The following MED27 variants were observed in gnomAD, a reference collection of about 807,000 sequenced individuals.
MED27 encodes the protein mediator of RNA polymerase II transcription subunit 27.
Under a neutral mutation model 38.2 loss-of-function variants are expected in MED27, and 30 were observed. The ratio of observed to expected loss-of-function variants is 0.79; its 90% CI spans 0.59 to 1.07. The LOEUF is 1.07. MED27 is among the 50% of genes least tolerant of loss of function. The pLI is 0.00. For synonymous variants in MED27, 122 were observed against 153.5 expected, an observed-to-expected ratio of 0.79 and a Z score of 1.52; for missense variants, 289 against 397.5, an observed-to-expected ratio of 0.73 and a Z score of 2.32.
intron 3 of MED27, among the ~76,000 whole-genome samples, chr9:131,945,150 A>G (rs921941496): frequency 6.8e-6 from 1 of 147,128 alleles, no homozygotes; most frequent in African/African-American, 2.5e-5. Context: ...TAAAAAATTT[A>G]TATATATATA....
intron 6 of MED27, among the ~76,000 whole-genome samples, chr9:131,879,213 C>T (rs1021813510): frequency 1.3e-5 from 2 of 152,190 alleles, no homozygotes; most frequent in African/African-American, 4.8e-5. Context: ...TACCTCCTGA[C>T]ATTGTTTGCC....
At chr9:132,012,470 T>C (rs565349242) in intron 3 of MED27, among the ~76,000 whole-genome samples, 2 of 152,304 alleles carry the variant, frequency 1.3e-5, no homozygotes, top group South Asian at 4.1e-4. Context: ...ACATTCCTCC[T>C]ATCCTGGAAG....
intron 3 of MED27, among the ~76,000 whole-genome samples, chr9:131,962,916 T>C (rs1831247481): frequency 6.6e-6 from 1 of 152,238 alleles, no homozygotes. Flanking sequence ...TTTATCTGAA[T>C]TTTAAGTAAC....
intron 2 of MED27, among the ~76,000 whole-genome samples, chr9:132,029,691 G>A (rs1260845991): frequency 1.3e-5 from 2 of 152,188 alleles, no homozygotes; most frequent in Non-Finnish European, 2.9e-5. Flanking sequence ...AGGAGGTGGG[G>A]AGGAAGACAA....
At chr9:132,071,495 C>T (rs538082550) in intron 2 of MED27, among the ~76,000 whole-genome samples, 6 of 150,792 alleles carry the variant, frequency 4.0e-5, no homozygotes, top group South Asian at 4.2e-4. Context: ...CATACACGTA[C>T]GAGTAACACT....
chr9:132,070,099 G>A (rs1002306445), intron 2 of MED27, among the ~76,000 whole-genome samples: 3 of 152,180 alleles, frequency 2.0e-5, no homozygotes, highest in Admixed American at 1.3e-4. Flanking sequence ...GCAAAGACAC[G>A]TTCTGCCACT....
intron 3 of MED27, among the ~76,000 whole-genome samples, chr9:131,944,899 C>G (rs965580923): frequency 6.6e-6 from 1 of 150,964 alleles, no homozygotes; most frequent in Non-Finnish European, 1.5e-5. Context: ...CATGTCTGTA[C>G]AACATTTTAT....
intron 3 of MED27, among the ~76,000 whole-genome samples, chr9:132,001,441 TACTTCTGATTTAC>T (rs1312967960): frequency 1.3e-5 from 2 of 152,184 alleles, no homozygotes; most frequent in Non-Finnish European, 2.9e-5. Context: ...TTAAACTGTA[TACTTCTGATTTAC>T]ATAAATGACA....
At chr9:131,951,373 G>A (rs1830993255) in intron 3 of MED27, among the ~76,000 whole-genome samples, 1 of 152,160 alleles carries the variant, frequency 6.6e-6, no homozygotes, top group Admixed American at 6.5e-5. Context: ...CAGGGGGAAG[G>A]CACAGGCCAT....
chr9:132,060,491 C>A (rs1383699288), intron 2 of MED27, among the ~76,000 whole-genome samples: 4 of 152,214 alleles, frequency 2.6e-5, no homozygotes. Context: ...ACTCCCCCTC[C>A]CACCCGACTG....
At position 131,860,884 on chromosome 9, in the gene MED27, G is replaced by A. The variant is rs1244947427; in HGVS notation, c.802-212C>T. Among the ~76,000 whole-genome samples the A allele has an allele frequency of 6.6e-6, 1 of 152,094 alleles. No individual in the cohort carries two copies. Among genetic ancestry groups the A allele is most frequent in the Admixed American group, 6.5e-5 (1 of 15,270 alleles). ...TGCTCGCGTGCCCCTCCTAACCGAA[G>A]GAGTTTTGAAAACAGAAACCCCTAC... is the stretch of plus-strand genomic sequence containing the variant. On this transcript the variant is annotated intron_variant, in intron 7 of 7. Coordinates refer to ENST00000292035, the MANE Select transcript of MED27 (RefSeq NM_004269.4). This position sits in a 1 kb window ranked among gnomAD's most constrained non-coding sequence, Gnocchi z 5.8.
intron 4 of MED27, among the ~76,000 whole-genome samples, chr9:131,912,743 C>A (rs1336280811): frequency 6.6e-6 from 1 of 152,194 alleles, no homozygotes; most frequent in African/African-American, 2.4e-5. Flanking sequence ...TCTCTGAAAA[C>A]CCAGTCTTGT....
At chr9:132,038,386 G>T (rs1589281496) in intron 2 of MED27, among the ~76,000 whole-genome samples, 1 of 151,492 alleles carries the variant, frequency 6.6e-6, no homozygotes, top group African/African-American at 2.4e-5. Context: ...TAGAGACGGG[G>T]TTTCACCGTT....
chr9:132,071,479 T>C (rs1010108310), intron 2 of MED27, among the ~76,000 whole-genome samples: 1 of 148,504 alleles, frequency 6.7e-6, no homozygotes, highest in Non-Finnish European at 1.5e-5. Context: ...ACCCCACAAA[T>C]AAGTCCATAC....
chr9:132,011,602 G>C (rs1832488729), intron 3 of MED27, among the ~76,000 whole-genome samples: 1 of 152,114 alleles, frequency 6.6e-6, no homozygotes, highest in African/African-American at 2.4e-5. Context: ...AGGAGTTTGA[G>C]GCTGCAGTAA....
rs1221342393 is a variant in MED27, at chr9:131,860,592, C to CG, written c.881dup (p.Thr295AspfsTer13). 2 of 1,601,692 alleles carry CG rather than the reference C, an allele frequency of 1.2e-6. No individual in the cohort carries two copies. Among genetic ancestry groups the CG allele is most frequent in the Non-Finnish European group, 1.7e-6 (2 of 1,174,436 alleles). ...CGAGGGTTCGGAAATCCCTCCATGTCGGGGGAAGGCCGTCCTGCAGAAACT... is the reference window on the plus strand; with the variant it reads ...CGAGGGTTCGGAAATCCCTCCATGTCGGGGGGAAGGCCGTCCTGCAGAAACT... On this transcript the variant is annotated frameshift_variant, in exon 8 of 8. Transcript: ENST00000292035. LOFTEE classifies it high-confidence loss of function. The surrounding 1 kb of genome is among the most constrained non-coding windows in gnomAD (Gnocchi z 5.8).
rs568786005 is a variant in MED27 at position 131,889,194 on chromosome 9, G to T, written c.681+4691C>A. On this transcript the variant is annotated intron_variant, in intron 5 of 7. Coordinates refer to ENST00000292035, the MANE Select transcript of MED27 (RefSeq NM_004269.4). The surrounding 1 kb of genome is among the most constrained non-coding windows in gnomAD (Gnocchi z 4.2). ...ACACACACAGCCAACTTTGAAGTGG[G>T]AAGAATGCAGGGATCAGAAATTACC... Among the ~76,000 whole-genome samples, 67 of 152,336 alleles carry T rather than the reference G, an allele frequency of 4.4e-4. No homozygotes were observed. Among genetic ancestry groups the T allele is most frequent in the African/African-American group, 1.5e-3 (64 of 41,572 alleles).
intron 2 of MED27, chr9:132,073,688 G>A (rs1589305465): frequency 1.2e-5 from 18 of 1,516,318 alleles, no homozygotes; most frequent in African/African-American, 5.6e-5. Context: ...GCAGGAGGGA[G>A]GAAATGTCTT....
intron 4 of MED27, among the ~76,000 whole-genome samples, chr9:131,911,076 T>A (rs145013931): frequency 3.7e-4 from 57 of 152,336 alleles, no homozygotes; most frequent in African/African-American, 1.2e-3. Flanking sequence ...ACAAGAGATT[T>A]TTTTTTCATG....
Sources: gnomAD v4.1 joint callset for allele counts (sites outside exome capture counted in the v4.1 genomes callset) on GRCh38, gnomAD v4.1.1 for gene constraint, Gnocchi (gnomAD v3.1) non-coding constraint, MANE v1.5 for transcripts, NCBI Gene and HGNC (gene_info 2026-07-23, HGNC 2026-07-21) for gene names.